The following PTP4A2 variants were observed in gnomAD, a reference collection of about 807,000 sequenced individuals.
The protein encoded by PTP4A2 is protein tyrosine phosphatase 4A2.
PTP4A2 carries 2 observed loss-of-function variants against 22.9 expected under a neutral mutation model. The ratio of observed to expected loss-of-function variants is 0.09; its 90% CI spans 0.04 to 0.27. The LOEUF (loss-of-function observed/expected upper bound fraction) is 0.27, where lower values mean the gene tolerates loss of function less well. PTP4A2 is among the 10% of genes least tolerant of loss of function. The probability of loss-of-function intolerance (pLI) is 1.00; values close to 1 mark genes in which losing one functional copy is unlikely to be tolerated. For missense variants in PTP4A2, 103 were observed against 205.1 expected (o/e 0.50, Z 3.04); for synonymous variants, 68 against 69.1 (o/e 0.98, Z 0.08).
chr1:31,929,354 T>C (rs566301818), intron 1 of PTP4A2, among the ~76,000 whole-genome samples: 1 of 152,218 alleles, frequency 6.6e-6, no homozygotes, highest in Non-Finnish European at 1.5e-5. Flanking sequence ...ATTAATCTAA[T>C]TGTTTTCAGT....
chr1:31,909,976 A>G (rs1433719166), intron 5 of PTP4A2, 62 bp downstream of exon 5: 1 of 1,415,978 alleles, frequency 7.1e-7, no homozygotes, highest in Non-Finnish European at 9.9e-7. Flanking sequence ...TCCCTTCCAT[A>G]ATTCCTTCCT....
chr1:31,935,621 C>G (rs750131399), intron 1 of PTP4A2: 1 of 152,194 alleles, frequency 6.6e-6, no homozygotes, highest in African/African-American at 2.4e-5. Context: ...CTTCTCACCA[C>G]TGTAAATCCA....
At chr1:31,913,563 C>T (rs1326273046) in intron 3 of PTP4A2, among the ~76,000 whole-genome samples, 2 of 152,180 alleles carry the variant, frequency 1.3e-5, no homozygotes, top group East Asian at 3.9e-4. Flanking sequence ...TCACCACATC[C>T]CTGACAACAT....
chr1:31,936,451 C>T (rs889585843), intron 1 of PTP4A2, among the ~76,000 whole-genome samples: 3 of 152,066 alleles, frequency 2.0e-5, no homozygotes, highest in Non-Finnish European at 4.4e-5. Context: ...TTTGCTTATA[C>T]TGAAAGACTA....
rs572245637 is a variant in PTP4A2, at chr1:31,933,007, C to CT, written c.-594+4979dup. On this transcript the variant is annotated intron_variant, in intron 1 of 5. Coordinates refer to ENST00000647444, the MANE Select transcript of PTP4A2 (RefSeq NM_080391.4). ...GATGAAAATGGTGAAAAGATTTTTT[C>CT]TTTTTTTTTTTTGAGACAGGGTCTC... 7.5e-3 allele frequency: 1,085 copies of CT among 144,980 alleles called. 7 individuals carry two copies. The highest frequency in any genetic ancestry group is 0.02 in the African/African-American group (798 of 39,776). The allele number at this position is 144,980 out of a possible 1,614,324, so 9.0% of individuals were successfully genotyped here. A position where few individuals can be genotyped will look rare whatever the true frequency, so the allele number is the denominator to read the frequency against.
rs1651294210 is a variant in PTP4A2, at chr1:31,908,135, TTATATTATA to T, written c.*708_*716del. 65 of 3,962 alleles carry T rather than the reference TTATATTATA, an allele frequency of 0.016. 21 individuals carry two copies. Among genetic ancestry groups the T allele is most frequent in the Non-Finnish European group, 0.021 (52 of 2,432 alleles). 0.2% of individuals were successfully genotyped at this position (3,962 alleles called of 1,614,324 possible). A position where few individuals can be genotyped will look rare whatever the true frequency, so the allele number is the denominator to read the frequency against. ...GAAAATATATATATATATATATATA[TTATATTATA>T]TATATATATATATATATATATATAT... On this transcript the variant is annotated 3_prime_UTR_variant, in exon 6 of 6. Coordinates refer to ENST00000647444, the MANE Select transcript of PTP4A2 (RefSeq NM_080391.4).
Position 31,921,054 on chromosome 1 carries a change from T to A in PTP4A2, c.-593-1396A>T, listed in dbSNP as rs189949162. ...CTCATAAGGCACTCTCAAAAAATCCTGTGATCCAACACTGTACTGACAGTA... is the reference window on the plus strand; with the variant it reads ...CTCATAAGGCACTCTCAAAAAATCCAGTGATCCAACACTGTACTGACAGTA... On this transcript the variant is annotated intron_variant, in intron 1 of 5. Transcript: ENST00000647444. 2.5e-3 allele frequency among the ~76,000 whole-genome samples: 382 copies of A among 152,342 alleles called. 2 individuals are homozygous for A. The highest frequency in any genetic ancestry group is 8.7e-3 in the African/African-American group (362 of 41,586).
chr1:31,930,675 T>C lies in PTP4A2; in HGVS notation c.-594+7312A>G, dbSNP rs567969589. Among the ~76,000 whole-genome samples the C allele has an allele frequency of 2.0e-5, 3 of 152,292 alleles. No individual in the cohort carries two copies. The South Asian group carries it at 6.2e-4, about 32-fold the overall frequency. ...TAAATTACATTATAGTTCACAGACATATGTTTGTGTACTGAGTACAATACA... is the reference window on the plus strand; with the variant it reads ...TAAATTACATTATAGTTCACAGACACATGTTTGTGTACTGAGTACAATACA... On this transcript the variant is annotated intron_variant, in intron 1 of 5. Coordinates refer to ENST00000647444, the MANE Select transcript of PTP4A2 (RefSeq NM_080391.4).
chr1:31,926,669 A>C (rs1652480053), intron 1 of PTP4A2, among the ~76,000 whole-genome samples: 1 of 152,236 alleles, frequency 6.6e-6, no homozygotes, highest in Non-Finnish European at 1.5e-5. Flanking sequence ...TATTTACAGA[A>C]CATGTACTAT....
rs557888424 is a variant in PTP4A2 at position 31,930,105 on chromosome 1, A to G, written c.-594+7882T>C. Among the ~76,000 whole-genome samples the G allele has an allele frequency of 2.9e-3, 442 of 152,180 alleles. 5 individuals carry two copies. Among genetic ancestry groups the G allele is most frequent in the African/African-American group, 9.7e-3 (402 of 41,508 alleles). On this transcript the variant is annotated intron_variant, in intron 1 of 5. Coordinates refer to ENST00000647444, the MANE Select transcript of PTP4A2 (RefSeq NM_080391.4). ...TGTAATCCCAGCACTTTGGGAGGCC[A>G]AGGCGGGCGGATCACGAGGTCAGCA... is the stretch of plus-strand genomic sequence containing the variant.
At chr1:31,912,142 A>AT (rs1651568770) in intron 3 of PTP4A2, among the ~76,000 whole-genome samples, 1 of 152,224 alleles carries the variant, frequency 6.6e-6, no homozygotes, top group Admixed American at 6.5e-5. Flanking sequence ...ATTAGACATA[A>AT]TAGACAAAAC....
intron 1 of PTP4A2, among the ~76,000 whole-genome samples, chr1:31,928,696 CAAAAAAAA>C (rs1162186046): frequency 1.0e-4 from 6 of 57,322 alleles, no homozygotes; most frequent in South Asian, 1.2e-3. Flanking sequence ...AACTCTGTCT[CAAAAAAAA>C]AAAAAAAAAA....
intron 1 of PTP4A2, among the ~76,000 whole-genome samples, chr1:31,926,801 T>C (rs1203769935): frequency 1.3e-5 from 2 of 152,040 alleles, no homozygotes; most frequent in East Asian, 1.9e-4. Context: ...GGAGAAAAAT[T>C]AGAAGTAGGG....
chr1:31,922,642 T>TTA (rs1652238202), intron 1 of PTP4A2, among the ~76,000 whole-genome samples: 2 of 147,278 alleles, frequency 1.4e-5, no homozygotes, highest in African/African-American at 5.1e-5. Flanking sequence ...TTCTTTTATT[T>TTA]ATTTTGAGAC....
chr1:31,913,456 T>C (rs1245795360), intron 3 of PTP4A2, among the ~76,000 whole-genome samples: 1 of 152,256 alleles, frequency 6.6e-6, no homozygotes, highest in Non-Finnish European at 1.5e-5. Flanking sequence ...GATCAAATGA[T>C]AGTTCTACTT....
chr1:31,912,089 A>G (rs561448971), intron 3 of PTP4A2, among the ~76,000 whole-genome samples: 11 of 152,358 alleles, frequency 7.2e-5, no homozygotes, highest in African/African-American at 2.6e-4. Context: ...CAGAGTCATA[A>G]GAGCTAGTGT....
intron 1 of PTP4A2, chr1:31,935,802 GAATAGTAAC>G (rs1275789520): frequency 6.6e-6 from 1 of 152,066 alleles, no homozygotes; most frequent in African/African-American, 2.4e-5. Context: ...TTCCCTCACT[GAATAGTAAC>G]AATACTATTT....
rs1553209508 is a variant in PTP4A2 at position 31,908,655 on chromosome 1, T to TTTCTTAAACATTTTA, written c.*182_*196dup. On this transcript the variant is annotated 3_prime_UTR_variant, in exon 6 of 6. Transcript: ENST00000647444. ...GAATTAATTCCTTTTCTCTTTCTCT[T>TTTCTTAAACATTTTA]TTCTTAAACATTTTATTCATTTTAT... 2.5e-6 allele frequency: 1 copy of TTTCTTAAACATTTTA among 395,428 alleles called. No homozygotes were observed. Among genetic ancestry groups the TTTCTTAAACATTTTA allele is most frequent in the Non-Finnish European group, 4.5e-6 (1 of 222,730 alleles). 24.5% of individuals were successfully genotyped at this position (395,428 alleles called of 1,614,324 possible).
At chr1:31,918,129 G>A (rs1025282436) in intron 2 of PTP4A2, among the ~76,000 whole-genome samples, 3 of 151,882 alleles carry the variant, frequency 2.0e-5, no homozygotes, top group African/African-American at 7.2e-5. Context: ...GGTGCCTGTA[G>A]TCCCAGCTAT....
Sources: gnomAD v4.1 joint callset for allele counts (sites outside exome capture counted in the v4.1 genomes callset) on GRCh38, gnomAD v4.1.1 for gene constraint, MANE v1.5 for transcripts, NCBI Gene and HGNC (gene_info 2026-07-23, HGNC 2026-07-21) for gene names.